The following NRG2 variants were observed in gnomAD, a reference collection of about 807,000 sequenced individuals.
The protein encoded by NRG2 is pro-neuregulin-2, membrane-bound isoform.
In NRG2, 27 loss-of-function variants were observed where a neutral mutation model predicts 73.9. The observed-to-expected ratio is 0.37, with a 90% CI of 0.27 to 0.50. NRG2 has a LOEUF of 0.50. Among genes scored for constraint, NRG2 ranks in the 20% least tolerant of loss-of-function variants. NRG2 has a pLI of 0.96. For missense variants in NRG2, 1,126 were observed against 1,210.1 expected, an observed-to-expected ratio of 0.93 and a Z score of 1.03; for synonymous variants, 532 against 541.0, an observed-to-expected ratio of 0.98 and a Z score of 0.23.
chr5:139,855,577 G>C, intron 6 of NRG2, 99 bp downstream of exon 6: 1 of 1,020,360 alleles, frequency 9.8e-7, no homozygotes, highest in Non-Finnish European at 1.5e-6. Context: ...GGGTATAGAG[G>C]GCTCCAGTGG....
intron 3 of NRG2, among the ~76,000 whole-genome samples, chr5:139,880,494 A>T (rs1413217852): frequency 6.6e-6 from 1 of 152,170 alleles, no homozygotes; most frequent in East Asian, 1.9e-4. Flanking sequence ...ATAGGCAGTC[A>T]GCTTGTACAT....
chr5:139,986,462 C>A, intron 1 of NRG2, among the ~76,000 whole-genome samples: 1 of 152,116 alleles, frequency 6.6e-6, no homozygotes, highest in East Asian at 1.9e-4. Flanking sequence ...TTACTCAAGA[C>A]CGGAGAGAAA....
Position 139,871,733 on chromosome 5 carries a change from T to C in NRG2, c.1100A>G (p.Gln367Arg), listed in dbSNP as rs1226779608. The C allele has an allele frequency of 8.7e-6, 14 of 1,614,054 alleles. No individual in the cohort carries two copies. In the South Asian group the frequency reaches 1.5e-4, roughly 18 times the overall value. The change falls in exon 4 of 10, where the codon CAG becomes CGG. Residue 367 changes from glutamine to arginine, a missense_variant. Transcript: ENST00000361474. ...ACTGGTCACTTACTTGCAGGAGAGC[T>C]GGTTGATGCCCTCGATGTAGTAGCA... ...GVCYYIEGIN[Q>R]LSCKCPNGFF... is the part of the protein sequence containing the mutation.
At chr5:139,938,932 AG>A (rs1753118330) in intron 1 of NRG2, among the ~76,000 whole-genome samples, 3 of 145,186 alleles carry the variant, frequency 2.1e-5, no homozygotes, top group African/African-American at 7.9e-5. Context: ...AAAGAAAGAA[AG>A]AAAGAAAGAA....
intron 1 of NRG2, among the ~76,000 whole-genome samples, chr5:140,029,671 G>C (rs892176570): frequency 1.0e-4 from 10 of 100,104 alleles, no homozygotes; most frequent in African/African-American, 3.7e-4. Flanking sequence ...CTGGGTGACA[G>C]AGCAAGACTC....
intron 1 of NRG2, among the ~76,000 whole-genome samples, chr5:139,935,674 T>C (rs1245069699): frequency 6.6e-6 from 1 of 151,964 alleles, no homozygotes; most frequent in East Asian, 1.9e-4. Context: ...CAAATGAAAA[T>C]AAAGGCTGGG....
intron 1 of NRG2, among the ~76,000 whole-genome samples, chr5:139,900,274 T>C (rs1337216248): frequency 1.3e-5 from 2 of 152,254 alleles, no homozygotes; most frequent in Non-Finnish European, 2.9e-5. Flanking sequence ...CTCTCTGAGC[T>C]TCCTGAAGAC....
intron 1 of NRG2, among the ~76,000 whole-genome samples, chr5:140,031,214 G>A (rs1020890125): frequency 2.6e-5 from 4 of 152,210 alleles, no homozygotes; most frequent in African/African-American, 7.2e-5. Context: ...ATTCAGAGAA[G>A]AGCAATTCTA....
At chr5:139,899,627 T>C (rs904335790) in intron 1 of NRG2, among the ~76,000 whole-genome samples, 7 of 152,350 alleles carry the variant, frequency 4.6e-5, no homozygotes, top group African/African-American at 1.7e-4. Context: ...TGTTCACACC[T>C]TACTGCCACA....
intron 1 of NRG2, among the ~76,000 whole-genome samples, chr5:140,005,970 G>A (rs1184754181): frequency 6.6e-6 from 1 of 152,194 alleles, no homozygotes; most frequent in East Asian, 1.9e-4. Context: ...TAGAAAACTA[G>A]ATACCAAAGA....
Position 139,914,750 on chromosome 5 carries a change from C to A in NRG2, c.701-27239G>T, listed in dbSNP as rs568625887. On this transcript the variant is annotated intron_variant, in intron 1 of 9. Transcript: ENST00000361474. ...ATTCATTCCTGCCCGTTTCTTAGTTCTGTTTGCCCAGGTGCCCGCCCCACC... is the reference window on the plus strand; with the variant it reads ...ATTCATTCCTGCCCGTTTCTTAGTTATGTTTGCCCAGGTGCCCGCCCCACC... Among the ~76,000 whole-genome samples, 80 of 152,340 alleles carry A rather than the reference C, an allele frequency of 5.3e-4. 1 individual carries two copies. Among genetic ancestry groups the A allele is most frequent in the Non-Finnish European group, 4.4e-5 (3 of 68,030 alleles).
chr5:139,974,677 G>A (rs558123693), intron 1 of NRG2, among the ~76,000 whole-genome samples: 6 of 152,146 alleles, frequency 3.9e-5, no homozygotes, highest in African/African-American at 1.4e-4. Context: ...CTCCTTGGCT[G>A]TTACCAGCCC....
At chr5:139,990,894 CT>C (rs1757572684) in intron 1 of NRG2, among the ~76,000 whole-genome samples, 1 of 152,190 alleles carries the variant, frequency 6.6e-6, no homozygotes, top group Non-Finnish European at 1.5e-5. Flanking sequence ...ATCCTTAACA[CT>C]AATCCTTTGC....
At chr5:139,942,518 G>C (rs56059901) in intron 1 of NRG2, among the ~76,000 whole-genome samples, 6 of 152,096 alleles carry the variant, frequency 3.9e-5, no homozygotes, top group African/African-American at 1.4e-4. Context: ...ACTATTCTTA[G>C]AGGCAAATTC....
At chr5:140,032,340 C>T (rs1463547839) in intron 1 of NRG2, among the ~76,000 whole-genome samples, 2 of 151,930 alleles carry the variant, frequency 1.3e-5, no homozygotes, top group African/African-American at 4.8e-5. Context: ...AGGAAAAGTA[C>T]CTAGAAATCA....
chr5:139,898,082 T>C (rs973977851), intron 1 of NRG2, among the ~76,000 whole-genome samples: 4 of 152,246 alleles, frequency 2.6e-5, no homozygotes, highest in Admixed American at 2.6e-4. Flanking sequence ...GAGGGTCAAG[T>C]TGATGTGGCC....
chr5:139,931,228 GA>G (rs1434351058), intron 1 of NRG2, among the ~76,000 whole-genome samples: 1 of 152,176 alleles, frequency 6.6e-6, no homozygotes, highest in African/African-American at 2.4e-5. Flanking sequence ...TATTCTAGAG[GA>G]AAAGACATAT....
chr5:139,949,150 G>T (rs1012845296), intron 1 of NRG2, among the ~76,000 whole-genome samples: 1 of 152,024 alleles, frequency 6.6e-6, no homozygotes, highest in Non-Finnish European at 1.5e-5. Context: ...TCCCTTTAAG[G>T]GAGAAAGAAG....
intron 1 of NRG2, among the ~76,000 whole-genome samples, chr5:139,925,826 T>C (rs1173856519): frequency 2.0e-5 from 3 of 152,092 alleles, no homozygotes; most frequent in Non-Finnish European, 4.4e-5. Flanking sequence ...ACTCTTTTGG[T>C]CCATCCTCCT....
Sources: gnomAD v4.1 joint callset for allele counts (sites outside exome capture counted in the v4.1 genomes callset) on GRCh38, gnomAD v4.1.1 for gene constraint, MANE v1.5 for transcripts, NCBI Gene and HGNC (gene_info 2026-07-23, HGNC 2026-07-21) for gene names.